TRIM9: variants seen among roughly 807,000 people sequenced by gnomAD.
TRIM9 encodes tripartite motif containing 9, also known as E3 ubiquitin-protein ligase TRIM9.
Under a neutral mutation model 78.3 loss-of-function variants are expected in TRIM9, and 26 were observed. That is an observed-to-expected ratio of 0.33 (90% CI 0.24 to 0.46). The LOEUF (loss-of-function observed/expected upper bound fraction) is 0.46, where lower values mean the gene tolerates loss of function less well. Ranked by LOEUF, TRIM9 falls within the 20% of genes least tolerant of loss-of-function variation. The pLI is 1.00. For synonymous variants in TRIM9, 398 were observed against 416.5 expected, an observed-to-expected ratio of 0.96 and a Z score of 0.54; for missense variants, 787 against 1,036.4, an observed-to-expected ratio of 0.76 and a Z score of 3.30.
intron 3 of TRIM9, among the ~76,000 whole-genome samples, chr14:51,022,463 A>T (rs1402989046): frequency 6.6e-6 from 1 of 152,244 alleles, no homozygotes; most frequent in Non-Finnish European, 1.5e-5. Context: ...TCTATTATTT[A>T]TAATCACCCA....
intron 3 of TRIM9, among the ~76,000 whole-genome samples, chr14:51,016,583 CAT>C (rs1484423078): frequency 4.0e-5 from 6 of 149,768 alleles, no homozygotes; most frequent in South Asian, 4.2e-4. Flanking sequence ...ATACTAATAA[CAT>C]AATTTAATTA....
intron 1 of TRIM9, among the ~76,000 whole-genome samples, chr14:51,068,815 T>C (rs1255501544): frequency 2.0e-5 from 3 of 152,262 alleles, no homozygotes; most frequent in Non-Finnish European, 4.4e-5. Context: ...ACTGTTCTAC[T>C]GCCATGATGT....
At chr14:51,071,004 G>T (rs770419114) in intron 1 of TRIM9, among the ~76,000 whole-genome samples, 1 of 152,054 alleles carries the variant, frequency 6.6e-6, no homozygotes, top group Non-Finnish European at 1.5e-5. Context: ...TAATGTAAAT[G>T]ATCCTGGAAA....
At chr14:51,083,884 C>G (rs1427157367) in intron 1 of TRIM9, among the ~76,000 whole-genome samples, 1 of 152,174 alleles carries the variant, frequency 6.6e-6, no homozygotes, top group Non-Finnish European at 1.5e-5. Flanking sequence ...AAACAGCGTT[C>G]AAGCCCTGCC....
At chr14:50,997,806 G>A in intron 7 of TRIM9, 1 of 1,377,112 alleles carries the variant, frequency 7.3e-7, no homozygotes, top group South Asian at 1.9e-5. Context: ...TATTTAGATT[G>A]TTATCAAAGG....
chr14:50,997,735 T>C, intron 7 of TRIM9: 1 of 1,269,658 alleles, frequency 7.9e-7, no homozygotes, highest in Non-Finnish European at 1.0e-6. Flanking sequence ...CCTAGATACA[T>C]TTGTCTTACA....
intron 3 of TRIM9, among the ~76,000 whole-genome samples, chr14:51,013,203 G>A (rs1218973244): frequency 6.7e-6 from 1 of 149,788 alleles, no homozygotes; most frequent in Non-Finnish European, 1.5e-5. Flanking sequence ...TTTGGATATG[G>A]AGTTAGGTAA....
chr14:51,046,381 T>C (rs143873469), intron 1 of TRIM9, among the ~76,000 whole-genome samples: 5 of 152,364 alleles, frequency 3.3e-5, no homozygotes, highest in African/African-American at 1.2e-4. Context: ...AAAATCAGTG[T>C]ACTTTATCAC....
intron 7 of TRIM9, among the ~76,000 whole-genome samples, chr14:50,987,096 T>C (rs941760973): frequency 1.3e-5 from 2 of 152,230 alleles, no homozygotes; most frequent in Non-Finnish European, 2.9e-5. Flanking sequence ...TTCAGTCTAA[T>C]AGCAATAATT....
chr14:51,008,992 A>T, intron 5 of TRIM9, 88 bp downstream of exon 5: 1 of 1,342,504 alleles, frequency 7.4e-7, no homozygotes. Flanking sequence ...TATTCTTGTT[A>T]CATTAGCCAA....
At chr14:51,059,458 G>A (rs1483613963) in intron 1 of TRIM9, among the ~76,000 whole-genome samples, 1 of 151,852 alleles carries the variant, frequency 6.6e-6, no homozygotes, top group Admixed American at 6.6e-5. Context: ...GCAAAGCATT[G>A]GGAGCACAAT....
chr14:51,053,831 T>C (rs545484765), intron 1 of TRIM9, among the ~76,000 whole-genome samples: 2 of 151,990 alleles, frequency 1.3e-5, no homozygotes, highest in African/African-American at 2.4e-5. Context: ...GGTATTCTTA[T>C]GGATGGTAAG....
chr14:51,026,121 G>C (rs1205573928), intron 1 of TRIM9, among the ~76,000 whole-genome samples: 1 of 152,204 alleles, frequency 6.6e-6, no homozygotes, highest in African/African-American at 2.4e-5. Context: ...CACCTAAGTG[G>C]AAGTCTGCTG....
chr14:51,002,464 A>T (rs1184782554), intron 5 of TRIM9, among the ~76,000 whole-genome samples: 4 of 151,940 alleles, frequency 2.6e-5, no homozygotes, highest in East Asian at 1.9e-4. Flanking sequence ...CTGCTTAAAA[A>T]TTTTTTTTCA....
rs147193330 is a variant in TRIM9 at position 51,058,739 on chromosome 14, C to A, written c.823-33379G>T. ...GAAATAAATTTCTATTACGTTTAAG[C>A]CCCTTCAATTCAGCTACATATGGTG... On this transcript the variant is annotated intron_variant, in intron 1 of 12. Coordinates refer to ENST00000684578, the MANE Select transcript of TRIM9 (RefSeq NM_001387360.1). Among the ~76,000 whole-genome samples, 772 of 152,334 alleles carry A rather than the reference C, an allele frequency of 5.1e-3. 11 individuals are homozygous for A. The highest frequency in any genetic ancestry group is 0.018 in the African/African-American group (739 of 41,572).
chr14:51,007,490 C>G (rs1225131996), intron 5 of TRIM9, among the ~76,000 whole-genome samples: 1 of 152,180 alleles, frequency 6.6e-6, no homozygotes, highest in East Asian at 1.9e-4. Flanking sequence ...CTTTACAGCA[C>G]AAACTAGAAG....
At chr14:51,035,214 TTTC>T (rs1463807998) in intron 1 of TRIM9, among the ~76,000 whole-genome samples, 7 of 152,350 alleles carry the variant, frequency 4.6e-5, no homozygotes, top group Non-Finnish European at 7.4e-5. Flanking sequence ...CAGGGCTTTT[TTTC>T]TTCTTCTTAA....
At chr14:51,039,257 G>A (rs1340834573) in intron 1 of TRIM9, among the ~76,000 whole-genome samples, 1 of 152,176 alleles carries the variant, frequency 6.6e-6, no homozygotes, top group Non-Finnish European at 1.5e-5. Context: ...AAAACCAATT[G>A]GGAAAACTGG....
intron 1 of TRIM9, among the ~76,000 whole-genome samples, chr14:51,029,988 G>A (rs999883288): frequency 6.6e-5 from 10 of 152,230 alleles, no homozygotes; most frequent in Non-Finnish European, 4.4e-5. Context: ...GAGGTGGTCT[G>A]ATTATGCTTA....
Sources: allele counts gnomAD v4.1 joint callset (sites outside exome capture counted in the v4.1 genomes callset), GRCh38; gene constraint gnomAD v4.1.1; transcripts MANE v1.5; gene names NCBI Gene and HGNC (gene_info 2026-07-23, HGNC 2026-07-21).